Variants in NEBL observed in about 807,000 individuals in gnomAD.
NEBL encodes the protein LIM and SH3 protein 2.
A neutral mutation model predicts 140.2 loss-of-function variants in NEBL; 122 were observed. That is an observed-to-expected ratio of 0.87 (90% confidence interval 0.75 to 1.01). NEBL has a LOEUF of 1.01. Among genes scored for constraint, NEBL ranks in the 50% least tolerant of loss-of-function variants. The probability of loss-of-function intolerance (pLI) is 0.00; values close to 1 mark genes in which losing one functional copy is unlikely to be tolerated. For missense variants in NEBL, 1,365 were observed against 1,231.3 expected, an observed-to-expected ratio of 1.11 and a Z score of -1.62; for synonymous variants, 436 against 398.9, an observed-to-expected ratio of 1.09 and a Z score of -1.11.
At chr10:21,062,317 G>C (rs1430978459) in intron 2 of NEBL, among the ~76,000 whole-genome samples, 1 of 151,990 alleles carries the variant, frequency 6.6e-6, no homozygotes, top group Admixed American at 6.6e-5. Context: ...GGTAGAAAGA[G>C]ATGATATTTT....
rs1007678458 is a variant in NEBL at position 20,940,908 on chromosome 10, G to C, written c.357+20764C>G. ...CAGGAAGAAGTTGAATCTCTGAATAGACCAATAACAGGCTCTGAAATTGAG... is the reference window on the plus strand; with the variant it reads ...CAGGAAGAAGTTGAATCTCTGAATACACCAATAACAGGCTCTGAAATTGAG... On this transcript the variant is annotated intron_variant, in intron 4 of 6. Coordinates refer to the NEBL transcript ENST00000417816. 1.1e-4 allele frequency among the ~76,000 whole-genome samples: 16 copies of C among 152,210 alleles called. 1 individual carries two copies. The highest frequency in any genetic ancestry group is 1.7e-4 in the African/African-American group (7 of 41,530).
intron 2 of NEBL, among the ~76,000 whole-genome samples, chr10:21,041,076 G>T (rs1834248052): frequency 1.3e-5 from 2 of 152,104 alleles, no homozygotes; most frequent in Admixed American, 1.3e-4. Flanking sequence ...TTTATTTTAG[G>T]TTCAAGGGCT....
intron 21 of NEBL, chr10:20,815,934 A>C (rs1838681588): frequency 1.9e-6 from 1 of 523,012 alleles, no homozygotes; most frequent in Admixed American, 3.2e-5. Flanking sequence ...ATGCCTGGCT[A>C]ATTTTTGTAT....
intron 3 of NEBL, among the ~76,000 whole-genome samples, chr10:21,198,310 T>C (rs1456277455): frequency 2.6e-5 from 4 of 152,198 alleles, no homozygotes; most frequent in Non-Finnish European, 5.9e-5. Context: ...TCCATATCTT[T>C]AGGATGTATT....
At chr10:21,247,100 C>T (rs1842526707) in intron 3 of NEBL, among the ~76,000 whole-genome samples, 1 of 152,146 alleles carries the variant, frequency 6.6e-6, no homozygotes, top group Non-Finnish European at 1.5e-5. Context: ...CCTGCTTCCC[C>T]TTTGCCCTTC....
At chr10:20,923,293 C>T (rs1225166622) in intron 4 of NEBL, among the ~76,000 whole-genome samples, 3 of 151,978 alleles carry the variant, frequency 2.0e-5, no homozygotes, top group Non-Finnish European at 4.4e-5. Flanking sequence ...GTCTCAAACC[C>T]CTGGGCTCAA....
At chr10:20,956,855 C>T (rs1835830965) in intron 4 of NEBL, among the ~76,000 whole-genome samples, 1 of 152,132 alleles carries the variant, frequency 6.6e-6, no homozygotes, top group Non-Finnish European at 1.5e-5. Context: ...CTAATTGCCT[C>T]ATACACGATA....
chr10:21,173,747 C>T lies in NEBL; in HGVS notation c.69+18G>A. ...CTCGCCCGGCAGGTCCAGGCTGGCC[C>T]GGCGCCCCCTCGCTCACCTTATCCA... On this transcript the variant is annotated intron_variant, in intron 1 of 6. Coordinates refer to the NEBL transcript ENST00000417816. This position sits in a 1 kb window ranked among gnomAD's most constrained non-coding sequence, Gnocchi z 5.7. 4 of 1,612,664 alleles carry T rather than the reference C, an allele frequency of 2.5e-6. No individual in the cohort carries two copies. Among genetic ancestry groups the T allele is most frequent in the Non-Finnish European group, 3.4e-6 (4 of 1,179,812 alleles).
chr10:20,915,462 G>A (rs1273370225), intron 4 of NEBL, among the ~76,000 whole-genome samples: 1 of 146,204 alleles, frequency 6.8e-6, no homozygotes, highest in Non-Finnish European at 1.5e-5. Context: ...GTGTCCATGT[G>A]TTCTCATTGT....
chr10:20,986,773 T>C (rs1159181319), intron 3 of NEBL, among the ~76,000 whole-genome samples: 1 of 152,176 alleles, frequency 6.6e-6, no homozygotes, highest in African/African-American at 2.4e-5. Flanking sequence ...AGATCCTAAA[T>C]AAAACTTGAA....
chr10:21,179,342 T>G (rs1841351432), upstream of NEBL, among the ~76,000 whole-genome samples: 1 of 152,176 alleles, frequency 6.6e-6, no homozygotes, highest in Admixed American at 6.5e-5. Flanking sequence ...GTTTTCCCTT[T>G]GAGATATTCT....
chr10:20,946,162 A>G (rs1414744641), intron 4 of NEBL, among the ~76,000 whole-genome samples: 1 of 152,218 alleles, frequency 6.6e-6, no homozygotes, highest in African/African-American at 2.4e-5. Flanking sequence ...CTAAATGAGG[A>G]CAACGAAGGT....
chr10:20,868,066 A>C (rs1320353385), intron 7 of NEBL: 1 of 151,574 alleles, frequency 6.6e-6, no homozygotes, highest in Admixed American at 6.6e-5. Flanking sequence ...AAAAAAAAAA[A>C]ACGCTGTTGG....
At chr10:21,250,220 C>T (rs1027351788) in intron 2 of NEBL, among the ~76,000 whole-genome samples, 5 of 152,274 alleles carry the variant, frequency 3.3e-5, no homozygotes, top group East Asian at 1.9e-4. Context: ...CTGAGAAAGG[C>T]AGATGCACCC....
At chr10:21,002,225 C>T (rs1837936909) in intron 3 of NEBL, among the ~76,000 whole-genome samples, 1 of 151,346 alleles carries the variant, frequency 6.6e-6, no homozygotes, top group Non-Finnish European at 1.5e-5. Context: ...AGTAATATTA[C>T]TAACATGAGT....
chr10:20,843,415 T>C (rs1301456171), intron 12 of NEBL, among the ~76,000 whole-genome samples: 8 of 151,856 alleles, frequency 5.3e-5, no homozygotes, highest in Admixed American at 1.3e-4. Flanking sequence ...GTATTCTGAA[T>C]TAATAAATTA....
At chr10:20,906,474 T>C (rs1848099182) in intron 4 of NEBL, among the ~76,000 whole-genome samples, 4 of 152,032 alleles carry the variant, frequency 2.6e-5, no homozygotes, top group Admixed American at 2.6e-4. Flanking sequence ...AACTATAAGA[T>C]AATATCAAAA....
intron 2 of NEBL, among the ~76,000 whole-genome samples, chr10:21,094,941 G>A (rs985628749): frequency 6.6e-6 from 1 of 152,188 alleles, no homozygotes. Flanking sequence ...ACAGAACACA[G>A]AAAACGCTCC....
In NEBL at chr10:21,188,236, C is replaced by T. The variant is rs150948954; in HGVS notation, n.349-15759G>A. 3.9e-3 allele frequency among the ~76,000 whole-genome samples: 594 copies of T among 152,202 alleles called. 2 individuals carry two copies. The highest frequency in any genetic ancestry group is 0.017 in the Middle Eastern group (5 of 294). ...TTATTCAGCTTTCTTCTTCTGTGGA[C>T]GGGAGTAGCAACTTTCAAGCTCCCT... On this transcript the variant is annotated intron_variant and non_coding_transcript_variant, in intron 3 of 8. Transcript: ENST00000675702.
Sources: gnomAD v4.1 joint callset for allele counts (sites outside exome capture counted in the v4.1 genomes callset) on GRCh38, gnomAD v4.1.1 for gene constraint, Gnocchi (gnomAD v3.1) non-coding constraint, MANE v1.5 for transcripts, NCBI Gene and HGNC (gene_info 2026-07-23, HGNC 2026-07-21) for gene names.